Variants in SCML4 observed in about 807,000 individuals in gnomAD.
SCML4 encodes Scm polycomb group protein like 4.
A neutral mutation model predicts 41.1 loss-of-function variants in SCML4; 34 were observed. That is an observed-to-expected ratio of 0.83 (90% confidence interval 0.63 to 1.10). The LOEUF (loss-of-function observed/expected upper bound fraction) is 1.10. Ranked by LOEUF, SCML4 falls within the 50% of genes least tolerant of loss-of-function variation. The pLI, the probability that SCML4 is intolerant of heterozygous loss-of-function variation, is 0.00. For synonymous variants in SCML4, 214 were observed against 220.9 expected (o/e 0.97, Z 0.28); for missense variants, 522 against 534.1 (o/e 0.98, Z 0.22).
chr6:107,825,200 T>C (rs1429702338), upstream of SCML4, among the ~76,000 whole-genome samples: 8 of 152,258 alleles, frequency 5.3e-5, no homozygotes, highest in East Asian at 1.9e-4. Context: ...TCATCCACTC[T>C]GGGATATTGG....
At chr6:107,821,527 C>A (rs1784942309) in intron 1 of SCML4, among the ~76,000 whole-genome samples, 3 of 152,192 alleles carry the variant, frequency 2.0e-5, no homozygotes. Context: ...ATTTTACGCT[C>A]CATGATAATC....
chr6:107,845,673 T>C, the SCML4 span, among the ~76,000 whole-genome samples: 1 of 152,210 alleles, frequency 6.6e-6, no homozygotes, highest in African/African-American at 2.4e-5. Context: ...GCAAGGGTGT[T>C]CTTTGGAATC....
In SCML4 at chr6:107,705,236, G is replaced by A; in HGVS notation, c.1209C>T (p.Cys403=). The change falls in exon 8 of 8, where the codon TGC becomes TGT. Residue 403 remains cysteine (C), a synonymous_variant. Transcript: ENST00000369020. ...GLKLGPALKL[C]YHIDKLKQAK... is the part of the protein sequence containing the mutation. Reference sequence around the variant, plus strand: ...CTTGCTTCAGTTTGTCAATGTGGTAGCAGAGTTTCAGTGCAGGTCCCAGCT... The same window carrying A: ...CTTGCTTCAGTTTGTCAATGTGGTAACAGAGTTTCAGTGCAGGTCCCAGCT... 6.4e-7 allele frequency: 1 copy of A among 1,551,678 alleles called. No homozygotes were observed. The highest frequency in any genetic ancestry group is 8.7e-7 in the Non-Finnish European group (1 of 1,146,926).
Position 107,800,487 on chromosome 6 carries a change from A to T in SCML4, c.-60+23639T>A, listed in dbSNP as rs187446122. Among the ~76,000 whole-genome samples the T allele has an allele frequency of 3.2e-4, 48 of 152,228 alleles. 1 individual carries two copies. The highest frequency in any genetic ancestry group is 5.9e-4 in the Non-Finnish European group (40 of 68,006). On this transcript the variant is annotated intron_variant, in intron 1 of 7. Coordinates refer to ENST00000369020, the MANE Select transcript of SCML4 (RefSeq NM_198081.5). ...ATTCAACTCCTGCAGGAGTCCCAGG[A>T]TGCAAAAACCAGAAGAATGTTGGAA...
At chr6:107,713,005 G>C (rs944236932) in intron 6 of SCML4, among the ~76,000 whole-genome samples, 4 of 152,256 alleles carry the variant, frequency 2.6e-5, no homozygotes, top group Non-Finnish European at 4.4e-5. Context: ...TTCCCTGCCA[G>C]AGGCATGTGA....
rs1773350517 is a variant in SCML4, at chr6:107,703,580, T to A, written c.*1620A>T. Among the ~76,000 whole-genome samples the A allele has an allele frequency of 6.6e-6, 1 of 152,194 alleles. No individual in the cohort carries two copies. The highest frequency in any genetic ancestry group is 1.5e-5 in the Non-Finnish European group (1 of 68,036). ...ACTATATAGAGGGTCACTCTGCAGATCTACCCAGGGCTGCCCTCAAGGTTA... is the reference window on the plus strand; with the variant it reads ...ACTATATAGAGGGTCACTCTGCAGAACTACCCAGGGCTGCCCTCAAGGTTA... On this transcript the variant is annotated 3_prime_UTR_variant, in exon 8 of 8. Transcript: ENST00000369020.
the SCML4 span, among the ~76,000 whole-genome samples, chr6:107,845,547 C>A: frequency 6.6e-6 from 1 of 152,240 alleles, no homozygotes; most frequent in African/African-American, 2.4e-5. Context: ...GATTTTCTCA[C>A]TTGCTTGAGA....
intron 4 of SCML4, chr6:107,746,421 CA>C (rs1351960855): frequency 7.0e-6 from 3 of 427,768 alleles, no homozygotes; most frequent in South Asian, 5.9e-5. Context: ...GAAAAAAAAG[CA>C]AAAACCGGTG....
intron 6 of SCML4, among the ~76,000 whole-genome samples, chr6:107,716,089 A>G (rs373795087): frequency 1.1e-4 from 17 of 152,322 alleles, no homozygotes; most frequent in Admixed American, 5.2e-4. Context: ...CCACTTTAAC[A>G]TCCTGCCACT....
At chr6:107,775,644 T>C (rs1331275052) in intron 1 of SCML4, among the ~76,000 whole-genome samples, 2 of 152,206 alleles carry the variant, frequency 1.3e-5, no homozygotes, top group Non-Finnish European at 2.9e-5. Context: ...AATAAGATTA[T>C]TTTATTTTGG....
chr6:107,820,551 C>T (rs1259645787), intron 1 of SCML4, among the ~76,000 whole-genome samples: 1 of 152,206 alleles, frequency 6.6e-6, no homozygotes, highest in Non-Finnish European at 1.5e-5. Context: ...GGCCCTCTTG[C>T]CCAAAGCACT....
chr6:107,832,031 C>A, the SCML4 span, among the ~76,000 whole-genome samples: 1 of 150,876 alleles, frequency 6.6e-6, no homozygotes, highest in African/African-American at 2.4e-5. Context: ...CCACTGCACT[C>A]CAGCCTGGGC....
intron 1 of SCML4, among the ~76,000 whole-genome samples, chr6:107,773,091 A>G (rs1225041497): frequency 6.6e-6 from 1 of 152,224 alleles, no homozygotes; most frequent in African/African-American, 2.4e-5. Flanking sequence ...TTTGAACAAC[A>G]TGATGTTGAA....
At chr6:107,807,381 C>T (rs9386667) in intron 1 of SCML4, among the ~76,000 whole-genome samples, 137,420 of 152,174 alleles carry the variant, frequency 0.9, 63,531 homozygotes, top group Non-Finnish European at 1. Context: ...CAGGTCCCTT[C>T]CTCTAGCAAG....
chr6:107,742,696 A>G (rs1562206456), intron 5 of SCML4, among the ~76,000 whole-genome samples: 2 of 152,230 alleles, frequency 1.3e-5, no homozygotes, highest in South Asian at 4.1e-4. Context: ...TACTGTATCA[A>G]GCAGTTATCC....
chr6:107,814,113 G>A (rs897104552), intron 1 of SCML4, among the ~76,000 whole-genome samples: 7 of 152,182 alleles, frequency 4.6e-5, no homozygotes, highest in African/African-American at 1.2e-4. Flanking sequence ...AGCAACACAT[G>A]CCAGTCAAGG....
chr6:107,723,006 A>G (rs1315288132), intron 5 of SCML4, among the ~76,000 whole-genome samples: 1 of 152,202 alleles, frequency 6.6e-6, no homozygotes, highest in Admixed American at 6.5e-5. Context: ...AAAAAGAACC[A>G]ACAAAATTGC....
At chr6:107,816,648 T>G (rs541215824) in intron 1 of SCML4, among the ~76,000 whole-genome samples, 8 of 152,222 alleles carry the variant, frequency 5.3e-5, no homozygotes, top group Non-Finnish European at 8.8e-5. Context: ...TTCCAAGACG[T>G]TAGCAGGGAA....
At chr6:107,839,368 GGAAAGAAA>G in the SCML4 span, among the ~76,000 whole-genome samples, 3 of 52,468 alleles carry the variant, frequency 5.7e-5, no homozygotes, top group Admixed American at 2.3e-4. Context: ...AAAGAAAGAA[GGAAAGAAA>G]GAAAGAAAGA....
Sources: gnomAD v4.1 joint callset for allele counts (sites outside exome capture counted in the v4.1 genomes callset) on GRCh38, gnomAD v4.1.1 for gene constraint, MANE v1.5 for transcripts, NCBI Gene and HGNC (gene_info 2026-07-23, HGNC 2026-07-21) for gene names.